Variants in C3orf18 observed in about 807,000 individuals in gnomAD.
C3orf18 encodes the protein uncharacterized protein C3orf18.
In C3orf18, 12 loss-of-function variants were observed where a neutral mutation model predicts 14.1. The observed-to-expected ratio is 0.85, with a 90% CI of 0.55 to 1.38. The LOEUF is 1.38. C3orf18 is among the 40% of genes most tolerant of loss of function. The probability of loss-of-function intolerance (pLI) is 0.00; values close to 1 mark genes in which losing one functional copy is unlikely to be tolerated. For synonymous variants in C3orf18, 82 were observed against 87.9 expected (o/e 0.93, Z 0.38); for missense variants, 196 against 213.9 (o/e 0.92, Z 0.52).
rs1348153701 is a variant in C3orf18, at chr3:50,563,053, C to T, written c.235-1306G>A. 2.0e-5 allele frequency among the ~76,000 whole-genome samples: 3 copies of T among 152,184 alleles called. No homozygotes were observed. In the South Asian group the frequency reaches 6.2e-4, roughly 32 times the overall value. On this transcript the variant is annotated intron_variant, in intron 3 of 5. Coordinates refer to ENST00000357203, the MANE Select transcript of C3orf18 (RefSeq NM_016210.5). Reference sequence around the variant, plus strand: ...GACTACCTCTGCCTCGGGGAAAGCACAGCCCTGTGGTTTACCCCAAATCCT... The same window carrying T: ...GACTACCTCTGCCTCGGGGAAAGCATAGCCCTGTGGTTTACCCCAAATCCT...
rs960236022 is a variant in C3orf18, at chr3:50,558,424, C to T, written c.*1233G>A. On this transcript the variant is annotated 3_prime_UTR_variant, in exon 6 of 6. Coordinates refer to ENST00000357203, the MANE Select transcript of C3orf18 (RefSeq NM_016210.5). ...CCAGGACCCCTGGTATCAGCCCTGA[C>T]CCTCCAAGGCTTATGGAGAGGCCAA... 1 of 303,902 alleles carries T rather than the reference C, an allele frequency of 3.3e-6. No homozygotes were observed. Among genetic ancestry groups the T allele is most frequent in the Non-Finnish European group, 6.4e-6 (1 of 155,132 alleles). The allele number at this position is 303,902 out of a possible 1,614,324, so 18.8% of individuals were successfully genotyped here.
At chr3:50,573,857 C>T (rs1166216550), upstream of C3orf18, among the ~76,000 whole-genome samples, 1 of 152,174 alleles carries the variant, frequency 6.6e-6, no homozygotes, top group African/African-American at 2.4e-5. Context: ...TGGTTCAGCC[C>T]CTGGCCTGGC....
intron 3 of C3orf18, 83 bp from the exon 4 acceptor site, chr3:50,561,830 A>T: frequency 6.9e-7 from 1 of 1,441,988 alleles, no homozygotes; most frequent in Non-Finnish European, 9.8e-7. Context: ...GGACATGCTG[A>T]GGCTGATGAA....
At chr3:50,560,024 C>T (rs1259152036) in intron 5 of C3orf18, among the ~76,000 whole-genome samples, 1 of 152,198 alleles carries the variant, frequency 6.6e-6, no homozygotes, top group Non-Finnish European at 1.5e-5. Flanking sequence ...TATCCCCAGG[C>T]CCTAGCACAG....
intron 3 of C3orf18, among the ~76,000 whole-genome samples, chr3:50,564,728 A>G (rs1700181424): frequency 1.3e-5 from 2 of 152,184 alleles, no homozygotes; most frequent in African/African-American, 2.4e-5. Flanking sequence ...TGAATAAATG[A>G]ATGTTCACTG....
intron 3 of C3orf18, among the ~76,000 whole-genome samples, chr3:50,563,735 G>T (rs942488222): frequency 6.6e-6 from 1 of 152,164 alleles, no homozygotes; most frequent in South Asian, 2.1e-4. Flanking sequence ...TCTGCCCTCC[G>T]CTGCCTTTGT....
intron 3 of C3orf18, chr3:50,562,248 G>C: frequency 2.8e-6 from 1 of 353,554 alleles, no homozygotes; most frequent in East Asian, 7.6e-5. Context: ...GACTGAGTCT[G>C]GGGACTCAAG....
upstream of C3orf18, chr3:50,570,236 A>G (rs1197056914): frequency 6.6e-6 from 1 of 152,248 alleles, no homozygotes; most frequent in Non-Finnish European, 1.5e-5. Context: ...CAGGTGCTTA[A>G]TAAACGCTAG....
chr3:50,566,611 T>C (rs1700316591), intron 1 of C3orf18, among the ~76,000 whole-genome samples: 1 of 151,710 alleles, frequency 6.6e-6, no homozygotes, highest in African/African-American at 2.4e-5. Context: ...GCTTGGAGTG[T>C]GGGTGGAGGC....
chr3:50,570,840 G>A, upstream of C3orf18: 1 of 370,686 alleles, frequency 2.7e-6, no homozygotes, highest in Non-Finnish European at 4.9e-6. Flanking sequence ...GGGTGTCAGA[G>A]CAAGAGCACA....
At chr3:50,572,125 C>T (rs376951242), upstream of C3orf18, 28 of 1,613,960 alleles carry the variant, frequency 1.7e-5, no homozygotes, top group African/African-American at 1.9e-4. Context: ...GATGCCGGTG[C>T]AGTACATCCT....
upstream of C3orf18, chr3:50,571,261 G>T: frequency 6.2e-7 from 1 of 1,613,384 alleles, no homozygotes; most frequent in Non-Finnish European, 8.5e-7. Flanking sequence ...TGGGGTCTTT[G>T]AGAAGAGGGG....
rs975847531 is a variant in C3orf18 at position 50,567,637 on chromosome 3, C to T, written c.-426G>A. On this transcript the variant is annotated 5_prime_UTR_variant, in exon 1 of 6. Coordinates refer to ENST00000357203, the MANE Select transcript of C3orf18 (RefSeq NM_016210.5). ...GCCAGGCCCGCTACTGCGCACCAGC[C>T]GCATCCGCGAGCGCTGGCTCTGCCG... is the stretch of plus-strand genomic sequence containing the variant. 1 of 152,256 alleles carries T rather than the reference C, an allele frequency of 6.6e-6. No homozygotes were observed. The highest frequency in any genetic ancestry group is 2.4e-5 in the African/African-American group (1 of 41,470). The allele number at this position is 152,256 out of a possible 1,614,324, so 9.4% of individuals were successfully genotyped here. A position where few individuals can be genotyped will look rare whatever the true frequency, so the allele number is the denominator to read the frequency against.
chr3:50,564,601 G>A (rs1392183486), intron 3 of C3orf18, among the ~76,000 whole-genome samples: 1 of 152,138 alleles, frequency 6.6e-6, no homozygotes, highest in Non-Finnish European at 1.5e-5. Flanking sequence ...TGGAACCCTT[G>A]GTTTTTATCT....
intron 4 of C3orf18, 147 bp from the exon 5 acceptor site, chr3:50,561,211 A>T: frequency 2.2e-6 from 2 of 915,666 alleles, no homozygotes; most frequent in Non-Finnish European, 3.3e-6. Flanking sequence ...AAAAAATGAC[A>T]GACATTTTTG....
chr3:50,559,369 G>A lies in C3orf18; in HGVS notation c.*288C>T. ...CCCTGATGTGAGGGATCTGGACAGG[G>A]GATGAGGAAGCCAGCAGAGGCTCTT... On this transcript the variant is annotated 3_prime_UTR_variant, in exon 6 of 6. Transcript: ENST00000357203. 1.5e-6 allele frequency: 2 copies of A among 1,324,764 alleles called. No homozygotes were observed. The highest frequency in any genetic ancestry group is 3.1e-5 in the South Asian group (2 of 65,456). The allele number at this position is 1,324,764 out of a possible 1,614,324, so 82.1% of individuals were successfully genotyped here.
intron 5 of C3orf18, 21 bp from the exon 6 acceptor site, chr3:50,559,758 G>T (rs1318679032): frequency 2.6e-6 from 4 of 1,527,678 alleles, no homozygotes; most frequent in South Asian, 1.2e-5. Flanking sequence ...ACAGGCAGGG[G>T]CATCAGAGAC....
At chr3:50,572,034 C>A (rs1575895466), upstream of C3orf18, 1 of 1,591,676 alleles carries the variant, frequency 6.3e-7, no homozygotes, top group East Asian at 2.3e-5. Context: ...TACCTTTGGC[C>A]ACAAGTGGTA....
At chr3:50,561,593 C>T in intron 4 of C3orf18, 129 bp downstream of exon 4, 1 of 896,952 alleles carries the variant, frequency 1.1e-6, no homozygotes. Flanking sequence ...GTGGTCACCC[C>T]CAACCATGAA....
Sources: gnomAD v4.1 joint callset for allele counts (sites outside exome capture counted in the v4.1 genomes callset) on GRCh38, gnomAD v4.1.1 for gene constraint, MANE v1.5 for transcripts, NCBI Gene and HGNC (gene_info 2026-07-23, HGNC 2026-07-21) for gene names.